The following ARHGEF11 variants were observed in gnomAD, a reference collection of about 807,000 sequenced individuals.
ARHGEF11 encodes Rho guanine nucleotide exchange factor 11, also known as Rho guanine exchange factor (GEF) 11.
A neutral mutation model predicts 193.7 loss-of-function variants in ARHGEF11; 55 were observed. That is an observed-to-expected ratio of 0.28 (90% confidence interval 0.23 to 0.36). The LOEUF (loss-of-function observed/expected upper bound fraction) is 0.36. ARHGEF11 is among the 10% of genes least tolerant of loss of function. The pLI, the probability that ARHGEF11 is intolerant of heterozygous loss-of-function variation, is 1.00. For missense variants in ARHGEF11, 1,723 were observed against 2,005.6 expected (o/e 0.86, Z 2.69); for synonymous variants, 693 against 768.0 (o/e 0.90, Z 1.62).
rs140923145 is a variant in ARHGEF11 at position 157,026,586 on chromosome 1, G to A, written c.32+17713C>T. On this transcript the variant is annotated intron_variant, in intron 1 of 40. Coordinates refer to ENST00000368194, the MANE Select transcript of ARHGEF11 (RefSeq NM_198236.3). ...GACTAGAAGGTAGAAGGCAATTTCC[G>A]AGATCCAGTGGGGCCAAGCCAGAGG... Among the ~76,000 whole-genome samples the A allele has an allele frequency of 4.5e-4, 68 of 152,292 alleles. 1 individual carries two copies. The East Asian group carries it at 0.012, about 26-fold the overall frequency.
chr1:156,970,124 T>A, intron 8 of ARHGEF11, 81 bp from the exon 9 acceptor site: 1 of 1,276,070 alleles, frequency 7.8e-7, no homozygotes, highest in Middle Eastern at 1.9e-4. Context: ...CAGTGCCTTA[T>A]TTGCTTACAA....
chr1:157,042,783 A>C (rs7532841), intron 1 of ARHGEF11, among the ~76,000 whole-genome samples: 27,204 of 152,098 alleles, frequency 0.18, 3,010 homozygotes, highest in East Asian at 0.43. Context: ...ATCTTCTCAA[A>C]TCCTTGCATT....
chr1:156,960,556 T>A, intron 14 of ARHGEF11, 96 bp from the exon 15 acceptor site: 1 of 1,169,362 alleles, frequency 8.6e-7, no homozygotes, highest in Non-Finnish European at 1.3e-6. Flanking sequence ...CACATGAACT[T>A]CTTGCCTTTT....
intron 1 of ARHGEF11, among the ~76,000 whole-genome samples, chr1:157,034,072 T>C (rs34314027): frequency 0.07 from 10,641 of 152,248 alleles, 474 homozygotes; most frequent in Non-Finnish European, 0.095. Context: ...GGCATGAATG[T>C]TTCCCAAACC....
Position 157,045,047 on chromosome 1 carries a change from G to A in ARHGEF11, c.-717C>T, listed in dbSNP as rs1159744133. On this transcript the variant is annotated 5_prime_UTR_variant, in exon 1 of 41. Transcript: ENST00000368194. ...AAAAAAAAAAGCTTTTACATTAAAT[G>A]TTTTGAAATTCTTAAATGAGCCAAT... 6.7e-6 allele frequency: 1 copy of A among 149,894 alleles called. No homozygotes were observed. The highest frequency in any genetic ancestry group is 1.5e-5 in the Non-Finnish European group (1 of 67,654). The allele number at this position is 149,894 out of a possible 1,614,324, so 9.3% of individuals were successfully genotyped here. A position where few individuals can be genotyped will look rare whatever the true frequency, so the allele number is the denominator to read the frequency against.
Position 156,940,336 on chromosome 1 carries a change from C to T in ARHGEF11, c.3604G>A (p.Gly1202Ser). 1 of 1,613,872 alleles carries T rather than the reference C, an allele frequency of 6.2e-7. No individual in the cohort carries two copies. The highest frequency in any genetic ancestry group is 8.5e-7 in the Non-Finnish European group (1 of 1,179,858). Reference sequence around the variant, plus strand: ...GATGTGGAAGGGCAAGGCAGGACACCCAGTTCCTCTTCCTCTGCACTGCCC... The same window carrying T: ...GATGTGGAAGGGCAAGGCAGGACACTCAGTTCCTCTTCCTCTGCACTGCCC... ...QEGSAEEEELGVLPCPSTSLD... is the reference protein window; with the variant it reads ...QEGSAEEEELSVLPCPSTSLD... Residue 1202 changes from glycine to serine, a missense_variant, in exon 36 of 41, where the codon GGT (glycine) becomes AGT (serine). By Grantham distance (56) the Gly-to-Ser change is moderately conservative. Transcript: ENST00000368194.
chr1:157,001,722 G>A (rs1419875164), intron 1 of ARHGEF11, among the ~76,000 whole-genome samples: 2 of 152,110 alleles, frequency 1.3e-5, no homozygotes, highest in Non-Finnish European at 2.9e-5. Flanking sequence ...TTAGAGCAGT[G>A]GCTCCTACCA....
chr1:157,032,345 T>TA (rs201157518), intron 1 of ARHGEF11, among the ~76,000 whole-genome samples: 1 of 152,116 alleles, frequency 6.6e-6, no homozygotes, highest in Non-Finnish European at 1.5e-5. Context: ...TCTGAGAACA[T>TA]AAAAAGAGTT....
chr1:156,975,102 G>C (rs1036528474), intron 7 of ARHGEF11, among the ~76,000 whole-genome samples: 4 of 152,212 alleles, frequency 2.6e-5, no homozygotes, highest in African/African-American at 9.6e-5. Context: ...GTTTTCCAGA[G>C]TGCTTGCACT....
At chr1:156,940,117 C>T (rs969963836) in intron 36 of ARHGEF11, 90 bp downstream of exon 36, 21 of 1,451,808 alleles carry the variant, frequency 1.4e-5, no homozygotes, top group African/African-American at 1.3e-4. Context: ...GAAGAGCCTT[C>T]GGGAAGGTGG....
chr1:156,949,742 C>T (rs958875933), intron 22 of ARHGEF11, among the ~76,000 whole-genome samples: 3 of 152,300 alleles, frequency 2.0e-5, no homozygotes, highest in African/African-American at 7.2e-5. Context: ...GGCTGCAGAG[C>T]TAAGCACCTT....
intron 7 of ARHGEF11, among the ~76,000 whole-genome samples, chr1:156,974,017 T>C (rs1662904513): frequency 6.6e-6 from 1 of 152,202 alleles, no homozygotes; most frequent in Admixed American, 6.5e-5. Context: ...CCTCATGGTA[T>C]TCATGGCCAA....
rs542040923 is a variant in ARHGEF11 at position 156,935,655 on chromosome 1, T to A, written c.*345A>T. Reference sequence around the variant, plus strand: ...TACACAGAAGCCTCCTCCTTTCACTTGCATGTCTGAGGGCAGCGCACATAC... The same window carrying A: ...TACACAGAAGCCTCCTCCTTTCACTAGCATGTCTGAGGGCAGCGCACATAC... On this transcript the variant is annotated 3_prime_UTR_variant, in exon 41 of 41. Coordinates refer to ENST00000368194, the MANE Select transcript of ARHGEF11 (RefSeq NM_198236.3). 1.8e-5 allele frequency: 4 copies of A among 228,570 alleles called. No individual in the cohort carries two copies. The East Asian group carries it at 3.5e-4, about 20-fold the overall frequency. 14.2% of individuals were successfully genotyped at this position (228,570 alleles called of 1,614,324 possible).
At chr1:157,002,983 G>T (rs950181420) in intron 1 of ARHGEF11, among the ~76,000 whole-genome samples, 4 of 152,224 alleles carry the variant, frequency 2.6e-5, no homozygotes, top group African/African-American at 9.7e-5. Context: ...TATTTCATGA[G>T]AGTGTTAGGA....
chr1:156,979,978 C>T (rs1463431915), intron 4 of ARHGEF11, among the ~76,000 whole-genome samples: 1 of 152,214 alleles, frequency 6.6e-6, no homozygotes, highest in African/African-American at 2.4e-5. Flanking sequence ...ATGCACCCCA[C>T]TATGTTGCCC....
chr1:156,997,294 A>G (rs997352594), intron 1 of ARHGEF11, among the ~76,000 whole-genome samples: 1 of 152,208 alleles, frequency 6.6e-6, no homozygotes, highest in South Asian at 2.1e-4. Flanking sequence ...CTAAAGTAAC[A>G]TATCATTGCT....
intron 4 of ARHGEF11, 46 bp from the exon 5 acceptor site, chr1:156,979,332 G>A (rs751928250): frequency 6.7e-7 from 1 of 1,493,402 alleles, no homozygotes; most frequent in South Asian, 1.2e-5. Context: ...TGAACAGCTA[G>A]GGGATCCTTC....
chr1:156,960,399 G>T lies in ARHGEF11; in HGVS notation c.1282+19C>A. ...GAAAGCTACCAAGAAGAGACTTACC[G>T]ACCAATGAGCCAACTTACCAATTTC... On this transcript the variant is annotated intron_variant, in intron 15 of 40. Coordinates refer to ENST00000368194, the MANE Select transcript of ARHGEF11 (RefSeq NM_198236.3). The T allele has an allele frequency of 3.1e-6, 5 of 1,613,700 alleles. No individual in the cohort carries two copies. The highest frequency in any genetic ancestry group is 4.2e-6 in the Non-Finnish European group (5 of 1,179,690).
At chr1:157,046,505 G>A (rs1239157727), upstream of ARHGEF11, among the ~76,000 whole-genome samples, 1 of 152,132 alleles carries the variant, frequency 6.6e-6, no homozygotes. Context: ...CCTTCGTGGT[G>A]TCAGTTCTTT....
Sources: allele counts gnomAD v4.1 joint callset (sites outside exome capture counted in the v4.1 genomes callset), GRCh38; gene constraint gnomAD v4.1.1; transcripts MANE v1.5; gene names NCBI Gene and HGNC (gene_info 2026-07-23, HGNC 2026-07-21).